RALYL: variants seen among roughly 807,000 people sequenced by gnomAD.
RALYL encodes RALY RNA binding protein like.
A neutral mutation model predicts 35.1 loss-of-function variants in RALYL; 29 were observed. That is an observed-to-expected ratio of 0.83 (90% CI 0.61 to 1.13). RALYL has a LOEUF of 1.13. Ranked by LOEUF, RALYL falls within the 50% of genes most tolerant of loss-of-function variation. The pLI, the probability that RALYL is intolerant of heterozygous loss-of-function variation, is 0.00. For missense variants in RALYL, 359 were observed against 360.4 expected (o/e 1.00, Z 0.03); for synonymous variants, 120 against 127.6 (o/e 0.94, Z 0.40).
intron 1 of RALYL, among the ~76,000 whole-genome samples, chr8:84,469,468 CAG>C: frequency 6.6e-6 from 1 of 152,296 alleles, no homozygotes. Flanking sequence ...TGTCAGGGGA[CAG>C]GGACCCACTT....
At chr8:84,407,014 CTCTCTA>C (rs1163518675) in intron 1 of RALYL, among the ~76,000 whole-genome samples, 8 of 142,750 alleles carry the variant, frequency 5.6e-5, no homozygotes, top group African/African-American at 2.3e-4. Context: ...CTCTCTCTCT[CTCTCTA>C]TATATATATA....
intron 1 of RALYL, among the ~76,000 whole-genome samples, chr8:84,504,455 C>A (rs1303325080): frequency 6.6e-6 from 1 of 152,040 alleles, no homozygotes; most frequent in Non-Finnish European, 1.5e-5. Flanking sequence ...TATAACTTTA[C>A]CCTATAATTA....
chr8:84,602,172 C>T (rs1816127163), intron 2 of RALYL, among the ~76,000 whole-genome samples: 2 of 152,094 alleles, frequency 1.3e-5, no homozygotes, highest in Admixed American at 1.3e-4. Context: ...TAGATCTTTC[C>T]CTCGAGCTCC....
intron 3 of RALYL, among the ~76,000 whole-genome samples, chr8:84,791,456 C>A (rs1255049399): frequency 6.6e-6 from 1 of 152,142 alleles, no homozygotes; most frequent in African/African-American, 2.4e-5. Context: ...GCCTTTGAAG[C>A]ACTTTGGGTT....
At chr8:84,749,711 G>A (rs1238845974) in intron 2 of RALYL, among the ~76,000 whole-genome samples, 2 of 152,148 alleles carry the variant, frequency 1.3e-5, no homozygotes, top group East Asian at 3.9e-4. Flanking sequence ...TTACCAATTT[G>A]TCTGAGTCTA....
At chr8:84,464,992 G>T (rs1340464542) in intron 1 of RALYL, among the ~76,000 whole-genome samples, 3 of 111,890 alleles carry the variant, frequency 2.7e-5, no homozygotes, top group African/African-American at 1.0e-4. Flanking sequence ...GGGGTTGTTT[G>T]TTTTTTTCTT....
chr8:84,504,240 TAGA>T (rs1361826874), intron 1 of RALYL, among the ~76,000 whole-genome samples: 1 of 152,084 alleles, frequency 6.6e-6, no homozygotes, highest in East Asian at 1.9e-4. Flanking sequence ...ATATGTTTAA[TAGA>T]AGAATATAAA....
chr8:84,527,901 G>C (rs1320562979), intron 1 of RALYL, among the ~76,000 whole-genome samples: 1 of 152,100 alleles, frequency 6.6e-6, no homozygotes, highest in Non-Finnish European at 1.5e-5. Flanking sequence ...AATGTTGGCT[G>C]TCCAATATGA....
chr8:84,488,212 T>C (rs1171595021), intron 1 of RALYL, among the ~76,000 whole-genome samples: 2 of 152,008 alleles, frequency 1.3e-5, no homozygotes, highest in Non-Finnish European at 2.9e-5. Context: ...TCAGCATAAG[T>C]TGTATGAGCA....
At chr8:84,509,997 G>A (rs1172588229) in intron 1 of RALYL, among the ~76,000 whole-genome samples, 2 of 152,144 alleles carry the variant, frequency 1.3e-5, no homozygotes, top group East Asian at 3.9e-4. Context: ...TGGGAACTTA[G>A]CCTCTCCATG....
intron 1 of RALYL, among the ~76,000 whole-genome samples, chr8:84,503,419 A>G (rs966801880): frequency 3.3e-5 from 5 of 151,916 alleles, no homozygotes; most frequent in African/African-American, 1.2e-4. Context: ...TGGCTTCCCA[A>G]AGCACTGGGA....
chr8:84,219,234 C>G (rs1427375654), intron 1 of RALYL, among the ~76,000 whole-genome samples: 1 of 151,988 alleles, frequency 6.6e-6, no homozygotes. Context: ...CGGTTTTCTC[C>G]AGGCTGTTCT....
upstream of RALYL, chr8:84,182,903 T>C (rs946042244): frequency 6.6e-6 from 1 of 152,380 alleles, no homozygotes; most frequent in Non-Finnish European, 1.5e-5. Flanking sequence ...TGGGCTTGAA[T>C]AGTAAAACTT....
intron 1 of RALYL, among the ~76,000 whole-genome samples, chr8:84,418,876 A>ATT (rs146663906): frequency 0.026 from 3,890 of 151,334 alleles, 167 homozygotes; most frequent in African/African-American, 0.089. Flanking sequence ...ATTTCTTTGG[A>ATT]TTTTTTTTTC....
chr8:84,347,032 T>C (rs1024509152), intron 1 of RALYL, among the ~76,000 whole-genome samples: 3 of 151,912 alleles, frequency 2.0e-5, no homozygotes, highest in Non-Finnish European at 4.4e-5. Context: ...ACCTCGTCCC[T>C]ACTAAAAATA....
intron 1 of RALYL, among the ~76,000 whole-genome samples, chr8:84,241,743 A>G (rs1361581837): frequency 6.8e-6 from 1 of 147,262 alleles, no homozygotes; most frequent in African/African-American, 2.5e-5. Context: ...GTGCCACTGC[A>G]CTCCAGCCTG....
chr8:84,628,101 A>T (rs551229412), intron 2 of RALYL, among the ~76,000 whole-genome samples: 1 of 152,230 alleles, frequency 6.6e-6, no homozygotes, highest in South Asian at 2.1e-4. Context: ...TTACTGTTAG[A>T]TGCAGAGTAC....
intron 2 of RALYL, among the ~76,000 whole-genome samples, chr8:84,580,963 A>C (rs1290945298): frequency 1.3e-5 from 2 of 152,100 alleles, no homozygotes; most frequent in Non-Finnish European, 2.9e-5. Flanking sequence ...AATCTTGTTC[A>C]CTCACATATC....
In RALYL at chr8:84,894,020, A is replaced by G. The variant is rs1330560033; in HGVS notation, c.858+6244A>G. Among the ~76,000 whole-genome samples, 8 of 152,124 alleles carry G rather than the reference A, an allele frequency of 5.3e-5. No homozygotes were observed. In the South Asian group the frequency reaches 1.5e-3, roughly 28 times the overall value. ...AGTCACCTGGGCTTACCAGGTATTG[A>G]ATTTCTGTGCACACTGGGGAAGGTC... is the stretch of plus-strand genomic sequence containing the variant. On this transcript the variant is annotated intron_variant, in intron 8 of 8. Coordinates refer to ENST00000521268, the MANE Select transcript of RALYL (RefSeq NM_173848.7).
Sources: allele counts gnomAD v4.1 joint callset (sites outside exome capture counted in the v4.1 genomes callset), GRCh38; gene constraint gnomAD v4.1.1; transcripts MANE v1.5; gene names NCBI Gene and HGNC (gene_info 2026-07-23, HGNC 2026-07-21).